Variants in C22orf23 observed in about 807,000 individuals in gnomAD.
C22orf23 encodes the protein chromosome 22 open reading frame 23.
Under a neutral mutation model 29.7 loss-of-function variants are expected in C22orf23, and 30 were observed. The observed-to-expected ratio is 1.01, with a 90% CI of 0.76 to 1.37. C22orf23 has a LOEUF of 1.37. C22orf23 is among the 40% of genes most tolerant of loss of function. The pLI is 0.00. For missense variants in C22orf23, 237 were observed against 273.1 expected, an observed-to-expected ratio of 0.87 and a Z score of 0.93; for synonymous variants, 90 against 96.1, an observed-to-expected ratio of 0.94 and a Z score of 0.37.
chr22:37,953,298 C>G (rs1204821759), intron 1 of C22orf23, 140 bp from the exon 2 acceptor site: 2 of 619,000 alleles, frequency 3.2e-6, no homozygotes, highest in East Asian at 5.5e-5. Flanking sequence ...CGACAGTGCC[C>G]AAACCTCCCA....
chr22:37,949,434 C>T (rs1930886815), intron 3 of C22orf23, among the ~76,000 whole-genome samples: 1 of 149,898 alleles, frequency 6.7e-6, no homozygotes, highest in Non-Finnish European at 1.5e-5. Context: ...TGGTGTGTGC[C>T]ACCACGCCTG....
Position 37,951,449 on chromosome 22 carries a change from C to T in C22orf23, c.166+11G>A. 6.2e-7 allele frequency: 1 copy of T among 1,613,110 alleles called. No individual in the cohort carries two copies. The highest frequency in any genetic ancestry group is 8.5e-7 in the Non-Finnish European group (1 of 1,179,156). ...CCTCTGTCCAGGAAGCCTCTGTGGA[C>T]TGCCCCTTACTTTTCATGATGTCCA... On this transcript the variant is annotated intron_variant, in intron 3 of 6. Coordinates refer to ENST00000403305, the MANE Select transcript of C22orf23 (RefSeq NM_032561.5).
intron 6 of C22orf23, 44 bp downstream of exon 6, chr22:37,944,373 C>T (rs748777213): frequency 3.7e-6 from 6 of 1,613,476 alleles, no homozygotes; most frequent in South Asian, 1.1e-5. Flanking sequence ...TCGCACTTGG[C>T]GCTGGGCCCT....
rs1319674825 is a variant in C22orf23 at position 37,951,486 on chromosome 22, T to C, written c.140A>G (p.Gln47Arg). Reference sequence around the variant, plus strand: ...TTTCATGATGTCCATGATGTGGCGCTGCTGGATGTTCGTCAGTTTGGATTC... The same window carrying C: ...TTTCATGATGTCCATGATGTGGCGCCGCTGGATGTTCGTCAGTTTGGATTC... The part of the protein sequence containing the change: ...MKESKLTNIQ[Q>R]RHIMDIMKRG... Residue 47 changes from glutamine (Q) to arginine (R), a missense_variant, in exon 3 of 7, where the codon CAG (glutamine) becomes CGG (arginine). Transcript: ENST00000403305. 1.9e-6 allele frequency: 3 copies of C among 1,614,106 alleles called. No homozygotes were observed. Among genetic ancestry groups the C allele is most frequent in the South Asian group, 1.1e-5 (1 of 91,086 alleles).
chr22:37,953,216 C>T, intron 1 of C22orf23, 58 bp from the exon 2 acceptor site: 1 of 1,230,310 alleles, frequency 8.1e-7, no homozygotes, highest in South Asian at 1.3e-5. Context: ...ATCTCTGTTC[C>T]CCGACGCCCA....
At chr22:37,952,181 T>C (rs1224962148) in intron 2 of C22orf23, among the ~76,000 whole-genome samples, 3 of 152,066 alleles carry the variant, frequency 2.0e-5, no homozygotes, top group Non-Finnish European at 4.4e-5. Flanking sequence ...AATGTTGTTG[T>C]TGGAAAAAAA....
intron 3 of C22orf23, among the ~76,000 whole-genome samples, chr22:37,948,025 T>G (rs1367084991): frequency 6.6e-6 from 1 of 151,946 alleles, no homozygotes; most frequent in Non-Finnish European, 1.5e-5. Context: ...GAGAATGGCA[T>G]GAACCTGGGA....
At chr22:37,947,242 G>C in intron 4 of C22orf23, 39 bp downstream of exon 4, 1 of 1,610,876 alleles carries the variant, frequency 6.2e-7, no homozygotes. Context: ...TCCTCCCCCA[G>C]GGAGATGGAG....
Position 37,951,497 on chromosome 22 carries a change from C to G in C22orf23, c.129G>C (p.Thr43=). The G allele has an allele frequency of 6.2e-7, 1 of 1,614,006 alleles. No homozygotes were observed. The highest frequency in any genetic ancestry group is 1.7e-5 in the Admixed American group (1 of 59,992). The change falls in exon 3 of 7, where the codon ACG becomes ACC. Residue 43 remains threonine (T), a synonymous_variant. Transcript: ENST00000403305. The stretch of plus-strand genomic sequence containing the variant: ...CCATGATGTGGCGCTGCTGGATGTT[C>G]GTCAGTTTGGATTCCTTCATCATCA... ...LRVMMKESKL[T]NIQQRHIMDI... is the part of the protein sequence containing the mutation.
Position 37,944,134 on chromosome 22 carries a change from G to C in C22orf23, c.*41C>G. On this transcript the variant is annotated 3_prime_UTR_variant, in exon 7 of 7. Transcript: ENST00000403305. ...CTGCCTGGCAGAGGAGTGGACTCCA[G>C]TGGTCGAGCTTGGGCTACCCTGCCC... 1.3e-6 allele frequency: 2 copies of C among 1,581,716 alleles called. No homozygotes were observed. Among genetic ancestry groups the C allele is most frequent in the Non-Finnish European group, 1.7e-6 (2 of 1,150,454 alleles).
chr22:37,950,596 A>G (rs536393070), intron 3 of C22orf23, among the ~76,000 whole-genome samples: 14 of 151,834 alleles, frequency 9.2e-5, no homozygotes, highest in Non-Finnish European at 1.3e-4. Flanking sequence ...TGGCACCACC[A>G]CACCTGGCTA....
At chr22:37,953,384 AGT>A (rs1931194083) in intron 1 of C22orf23, 62 bp downstream of exon 1, 2 of 574,722 alleles carry the variant, frequency 3.5e-6, no homozygotes, top group South Asian at 4.2e-5. Context: ...CTCGGGAGGG[AGT>A]GTTAACACAG....
chr22:37,945,250 G>C (rs546530725), intron 4 of C22orf23, 77 bp from the exon 5 acceptor site: 313 of 1,537,950 alleles, frequency 2.0e-4, no homozygotes, highest in Non-Finnish European at 2.6e-4. Context: ...CCAAGTGCAC[G>C]TGCTTGCTGC....
rs1930509634 is a variant in C22orf23 at position 37,943,287 on chromosome 22, C to G, written c.*888G>C. On this transcript the variant is annotated 3_prime_UTR_variant, in exon 7 of 7. Coordinates refer to ENST00000403305, the MANE Select transcript of C22orf23 (RefSeq NM_032561.5). ...CCTTCCCAGCAGGGCCTCGCAGATGCACAAGCACGGAGCTGGTGGGTTTTG... is the reference window on the plus strand; with the variant it reads ...CCTTCCCAGCAGGGCCTCGCAGATGGACAAGCACGGAGCTGGTGGGTTTTG... 6.6e-6 allele frequency: 1 copy of G among 152,190 alleles called. No homozygotes were observed. Among genetic ancestry groups the G allele is most frequent in the Non-Finnish European group, 1.5e-5 (1 of 68,104 alleles). 9.4% of individuals were successfully genotyped at this position (152,190 alleles called of 1,614,324 possible).
chr22:37,953,351 A>T, intron 1 of C22orf23, 97 bp downstream of exon 1: 3 of 580,316 alleles, frequency 5.2e-6, no homozygotes, highest in Non-Finnish European at 9.2e-6. Flanking sequence ...ATTCTGACCC[A>T]GCGCCTGTGG....
Position 37,944,537 on chromosome 22 carries a change from G to C in C22orf23, c.482-20C>G, listed in dbSNP as rs781414958. On this transcript the variant is annotated intron_variant, in intron 5 of 6. Coordinates refer to ENST00000403305, the MANE Select transcript of C22orf23 (RefSeq NM_032561.5). ...TCACCACTGGACAGAGGAGAGGGCT[G>C]TCAGGTTCCCATGAGGGATGCAGGC... 1 of 1,603,450 alleles carries C rather than the reference G, an allele frequency of 6.2e-7. No individual in the cohort carries two copies. Among genetic ancestry groups the C allele is most frequent in the Admixed American group, 1.7e-5 (1 of 59,926 alleles).
chr22:37,952,797 C>T lies in C22orf23; in HGVS notation c.103+250G>A. On this transcript the variant is annotated intron_variant, in intron 2 of 6. Transcript: ENST00000403305. ...AGGAGGTGAGCGGCAGGCTAGCGAG[C>T]CTCACCGCCTCCTTTCAGGTCAGTG... 5.0e-6 allele frequency: 2 copies of T among 400,512 alleles called. 1 individual carries two copies. Among genetic ancestry groups the T allele is most frequent in the South Asian group, 6.0e-5 (2 of 33,222 alleles). The allele number at this position is 400,512 out of a possible 1,614,324, so 24.8% of individuals were successfully genotyped here.
rs959753426 is a variant in C22orf23 at position 37,943,297 on chromosome 22, G to A, written c.*878C>T. 4 of 152,230 alleles carry A rather than the reference G, an allele frequency of 2.6e-5. No individual in the cohort carries two copies. The highest frequency in any genetic ancestry group is 9.7e-5 in the African/African-American group (4 of 41,430). The allele number at this position is 152,230 out of a possible 1,614,324, so 9.4% of individuals were successfully genotyped here. ...AGGGCCTCGCAGATGCACAAGCACG[G>A]AGCTGGTGGGTTTTGCCCAAGAAAG... On this transcript the variant is annotated 3_prime_UTR_variant, in exon 7 of 7. Transcript: ENST00000403305.
At chr22:37,948,554 G>GAC (rs1425949695) in intron 3 of C22orf23, among the ~76,000 whole-genome samples, 1 of 152,120 alleles carries the variant, frequency 6.6e-6, no homozygotes, top group Non-Finnish European at 1.5e-5. Context: ...CCAGGAGGTG[G>GAC]AGGTTGCAGT....
Sources: allele counts gnomAD v4.1 joint callset (sites outside exome capture counted in the v4.1 genomes callset), GRCh38; gene constraint gnomAD v4.1.1; transcripts MANE v1.5; gene names NCBI Gene and HGNC (gene_info 2026-07-23, HGNC 2026-07-21).